NCAM2: variants seen among roughly 807,000 people sequenced by gnomAD.
The protein encoded by NCAM2 is N-CAM-2.
Under a neutral mutation model 98.1 loss-of-function variants are expected in NCAM2, and 30 were observed. That is an observed-to-expected ratio of 0.31 (90% CI 0.23 to 0.41). The LOEUF (loss-of-function observed/expected upper bound fraction) is 0.41. Ranked by LOEUF, NCAM2 falls within the 10% of genes least tolerant of loss-of-function variation. NCAM2 has a pLI of 1.00. For missense variants in NCAM2, 867 were observed against 1,005.8 expected (o/e 0.86, Z 1.87); for synonymous variants, 368 against 342.4 (o/e 1.07, Z -0.83).
chr21:21,232,184 G>T (rs758929734), intron 1 of NCAM2, among the ~76,000 whole-genome samples: 1 of 151,370 alleles, frequency 6.6e-6, no homozygotes, highest in African/African-American at 2.4e-5. Flanking sequence ...TGTCACCCAA[G>T]TAATGCTAGA....
At chr21:21,183,524 A>AG in intron 1 of NCAM2, among the ~76,000 whole-genome samples, 1 of 152,176 alleles carries the variant, frequency 6.6e-6, no homozygotes, top group Non-Finnish European at 1.5e-5. Context: ...GGAAATGGTA[A>AG]GGGGAGAGAC....
chr21:21,524,771 A>T (rs146176598), intron 16 of NCAM2, among the ~76,000 whole-genome samples: 48 of 152,222 alleles, frequency 3.2e-4, no homozygotes, highest in African/African-American at 9.9e-4. Flanking sequence ...AGGTCATATG[A>T]CACACTTTAA....
chr21:21,273,202 T>G (rs1014394941), intron 1 of NCAM2, among the ~76,000 whole-genome samples: 2 of 152,158 alleles, frequency 1.3e-5, no homozygotes, highest in African/African-American at 4.8e-5. Flanking sequence ...AAAACAAGAT[T>G]GAAATATCTA....
intron 8 of NCAM2, among the ~76,000 whole-genome samples, chr21:21,351,682 C>T (rs1271095229): frequency 1.3e-5 from 2 of 152,010 alleles, no homozygotes; most frequent in Admixed American, 6.5e-5. Flanking sequence ...TAACAAACAC[C>T]TACTAAATAT....
At chr21:21,169,297 C>T (rs1199380774) in intron 1 of NCAM2, among the ~76,000 whole-genome samples, 4 of 151,824 alleles carry the variant, frequency 2.6e-5, no homozygotes, top group African/African-American at 4.8e-5. Context: ...CAAAATGGAT[C>T]GATCGTAGCC....
At position 21,213,119 on chromosome 21, in the gene NCAM2, A is replaced by G. The variant is rs183829855; in HGVS notation, c.56-67459A>G. On this transcript the variant is annotated intron_variant, in intron 1 of 17. Coordinates refer to ENST00000400546, the MANE Select transcript of NCAM2 (RefSeq NM_004540.5). The stretch of plus-strand genomic sequence containing the variant: ...TGTATGAATGAATGAATGAATATTT[A>G]GTTGCCTGTTAATCTATAAGAATTA... 7.0e-4 allele frequency among the ~76,000 whole-genome samples: 107 copies of G among 152,338 alleles called. 1 individual carries two copies. The highest frequency in any genetic ancestry group is 2.5e-3 in the African/African-American group (104 of 41,576).
At chr21:21,248,251 T>TA (rs1302134836) in intron 1 of NCAM2, among the ~76,000 whole-genome samples, 1 of 152,116 alleles carries the variant, frequency 6.6e-6, no homozygotes, top group African/African-American at 2.4e-5. Context: ...AAAAAAAACA[T>TA]ACAGTTATAT....
chr21:21,076,648 C>G (rs2065686741), intron 1 of NCAM2, among the ~76,000 whole-genome samples: 1 of 152,090 alleles, frequency 6.6e-6, no homozygotes, highest in Admixed American at 6.6e-5. Flanking sequence ...CTGATATTCA[C>G]TAGTACATAT....
intron 12 of NCAM2, among the ~76,000 whole-genome samples, chr21:21,433,734 C>T (rs889684318): frequency 1.0e-4 from 9 of 89,860 alleles, no homozygotes; most frequent in Non-Finnish European, 1.4e-4. Context: ...CAGAGCAAGA[C>T]TCCATCTCAA....
Position 21,530,785 on chromosome 21 carries a change from G to A in NCAM2, c.2283-3752G>A, listed in dbSNP as rs956739959. On this transcript the variant is annotated intron_variant, in intron 16 of 17. Coordinates refer to ENST00000400546, the MANE Select transcript of NCAM2 (RefSeq NM_004540.5). ...AAGAAACTTTCAATATTTTTATAATGGACTGTTCTGTTTTGAATATCCATA... is the reference window on the plus strand; with the variant it reads ...AAGAAACTTTCAATATTTTTATAATAGACTGTTCTGTTTTGAATATCCATA... Among the ~76,000 whole-genome samples the A allele has an allele frequency of 6.6e-5, 10 of 151,478 alleles. No homozygotes were observed. In the South Asian group the frequency reaches 1.2e-3, roughly 19 times the overall value.
intron 5 of NCAM2, among the ~76,000 whole-genome samples, chr21:21,312,310 GATTA>G (rs2074080482): frequency 6.6e-6 from 1 of 150,910 alleles, no homozygotes; most frequent in Non-Finnish European, 1.5e-5. Flanking sequence ...ATTGAGTATT[GATTA>G]ATATGCTTAA....
chr21:21,394,260 A>G (rs761531426), intron 9 of NCAM2, among the ~76,000 whole-genome samples: 1 of 152,124 alleles, frequency 6.6e-6, no homozygotes, highest in African/African-American at 2.4e-5. Context: ...CTTTTTCTAC[A>G]TATGACAGAA....
At chr21:21,152,655 T>G (rs2067481229) in intron 1 of NCAM2, among the ~76,000 whole-genome samples, 1 of 152,006 alleles carries the variant, frequency 6.6e-6, no homozygotes, top group Non-Finnish European at 1.5e-5. Flanking sequence ...TTGGGTTTTT[T>G]GGGGTCTGTA....
chr21:21,333,927 A>T (rs981976833), intron 6 of NCAM2, among the ~76,000 whole-genome samples: 2 of 152,040 alleles, frequency 1.3e-5, no homozygotes, highest in Non-Finnish European at 2.9e-5. Flanking sequence ...TAATATCAAA[A>T]ATATATATAA....
At chr21:21,137,461 C>T (rs1020605434) in intron 1 of NCAM2, among the ~76,000 whole-genome samples, 4 of 151,916 alleles carry the variant, frequency 2.6e-5, no homozygotes, top group Non-Finnish European at 4.4e-5. Flanking sequence ...AAATGTTGGC[C>T]GGGTGTAGCA....
At chr21:21,331,500 C>A in intron 6 of NCAM2, among the ~76,000 whole-genome samples, 1 of 2,874 alleles carries the variant, frequency 3.5e-4, no homozygotes, top group Non-Finnish European at 9.2e-4. Context: ...AGTATATATA[C>A]TCTATACTCT....
intron 15 of NCAM2, among the ~76,000 whole-genome samples, chr21:21,504,385 T>TA (rs1360899181): frequency 6.6e-6 from 1 of 151,804 alleles, no homozygotes; most frequent in East Asian, 1.9e-4. Context: ...TCTTAAAAAA[T>TA]AAAAAATGGA....
intron 5 of NCAM2, among the ~76,000 whole-genome samples, chr21:21,322,230 A>G (rs1223116640): frequency 6.6e-6 from 1 of 152,194 alleles, no homozygotes; most frequent in Non-Finnish European, 1.5e-5. Flanking sequence ...ACAGAAAACC[A>G]AATACTGCAT....
intron 12 of NCAM2, among the ~76,000 whole-genome samples, chr21:21,435,305 G>A (rs1022159814): frequency 1.3e-5 from 2 of 152,150 alleles, no homozygotes; most frequent in Non-Finnish European, 2.9e-5. Flanking sequence ...TGTAAAAGCA[G>A]AAGTCCAAAT....
Sources: allele counts gnomAD v4.1 joint callset (sites outside exome capture counted in the v4.1 genomes callset), GRCh38; gene constraint gnomAD v4.1.1; transcripts MANE v1.5; gene names NCBI Gene and HGNC (gene_info 2026-07-23, HGNC 2026-07-21).